CFAP100: variants seen among roughly 807,000 people sequenced by gnomAD.
CFAP100 encodes the protein cilia and flagella associated protein 100.
CFAP100 carries 70 observed loss-of-function variants against 81.5 expected under a neutral mutation model. The observed-to-expected ratio is 0.86, with a 90% CI of 0.71 to 1.05. The LOEUF is 1.05. Ranked by LOEUF, CFAP100 falls within the 50% of genes least tolerant of loss-of-function variation. The pLI is 0.00. For missense variants in CFAP100, 811 were observed against 776.5 expected (o/e 1.04, Z -0.53); for synonymous variants, 341 against 314.8 (o/e 1.08, Z -0.88).
intron 4 of CFAP100, among the ~76,000 whole-genome samples, chr3:126,415,764 G>A (rs1376003222): frequency 1.3e-5 from 2 of 152,128 alleles, no homozygotes; most frequent in African/African-American, 2.4e-5. Flanking sequence ...GGGCGGGGTC[G>A]GGGTGTGGGG....
At chr3:126,430,799 C>T (rs1933188083) in intron 13 of CFAP100, among the ~76,000 whole-genome samples, 1 of 151,710 alleles carries the variant, frequency 6.6e-6, no homozygotes, top group South Asian at 2.1e-4. Context: ...CTTTGTTGAC[C>T]TTATATTGTT....
chr3:126,434,659 G>C (rs1933375617), intron 15 of CFAP100: 1 of 415,106 alleles, frequency 2.4e-6, no homozygotes. Context: ...CTGGAGCTTA[G>C]TTAGAGTGTG....
rs55997846 is a variant in CFAP100 at position 126,420,243 on chromosome 3, G to C, written c.1082+14G>C. 9.9e-4 allele frequency: 1,571 copies of C among 1,590,088 alleles called. 12 individuals carry two copies. The African/African-American group carries it at 0.022, about 22-fold the overall frequency. On this transcript the variant is annotated intron_variant, in intron 11 of 16. Transcript: ENST00000352312. The stretch of plus-strand genomic sequence containing the variant: ...CGACTCCAGAGGGTGAGTGGGCTCG[G>C]GTGGTTGGGAGGGGCTGAGGCCTAG...
At chr3:126,432,650 A>C (rs1264042011) in intron 13 of CFAP100, 1 of 154,512 alleles carries the variant, frequency 6.5e-6, no homozygotes, top group Admixed American at 6.4e-5. Context: ...CACAAAGTAG[A>C]TTCATGGTGG....
chr3:126,408,498 G>A (rs976659708), intron 3 of CFAP100, among the ~76,000 whole-genome samples: 4 of 152,104 alleles, frequency 2.6e-5, no homozygotes, highest in Non-Finnish European at 4.4e-5. Context: ...CAGTGGTGTC[G>A]CCTCTCCTGC....
In CFAP100 at chr3:126,416,448, G is replaced by A. The variant is rs767186398; in HGVS notation, c.358G>A (p.Glu120Lys). 1.9e-6 allele frequency: 3 copies of A among 1,609,596 alleles called. No homozygotes were observed. The highest frequency in any genetic ancestry group is 2.2e-5 in the East Asian group (1 of 44,690). The change falls in exon 5 of 17, where the codon GAG becomes AAG. Residue 120 changes from glutamate (E) to lysine (K), a missense_variant. Glu to Lys is a moderately conservative substitution (Grantham distance 56). Coordinates refer to ENST00000352312, the MANE Select transcript of CFAP100 (RefSeq NM_182628.3). ...GCAGGAGGACCTGGAGGCGCGCGCCGAGGCCGAGCATCAGCGCGCCTTCCG... is the reference window on the plus strand; with the variant it reads ...GCAGGAGGACCTGGAGGCGCGCGCCAAGGCCGAGCATCAGCGCGCCTTCCG... The part of the protein sequence containing the change: ...DKQEDLEARA[E>K]AEHQRAFRDY...
In CFAP100 at chr3:126,418,777, G is replaced by C; in HGVS notation, c.650+3G>C. ...AGCTCCGTGCAGGCCATGAGAGCGT[G>C]AGCCTGCGGGCCCGAGGGGCTGGCT... On this transcript the variant is annotated splice_donor_region_variant and intron_variant, in intron 7 of 16. Transcript: ENST00000352312. The C allele has an allele frequency of 6.3e-7, 1 of 1,581,752 alleles. No individual in the cohort carries two copies. Among genetic ancestry groups the C allele is most frequent in the Non-Finnish European group, 8.6e-7 (1 of 1,167,312 alleles).
chr3:126,434,600 G>C lies in CFAP100; in HGVS notation c.1628+219G>C, dbSNP rs150676847. ...TTCCTAGAGCAAACGACAGTGACTC[G>C]ATGTGGCCAGGAGGCTCAGGGAGGG... On this transcript the variant is annotated intron_variant, in intron 15 of 16. Coordinates refer to ENST00000352312, the MANE Select transcript of CFAP100 (RefSeq NM_182628.3). 12 of 556,042 alleles carry C rather than the reference G, an allele frequency of 2.2e-5. No homozygotes were observed. In the South Asian group the frequency reaches 2.2e-4, roughly 10 times the overall value. The allele number at this position is 556,042 out of a possible 1,614,324, so 34.4% of individuals were successfully genotyped here.
In CFAP100 at chr3:126,435,655, A is replaced by G; in HGVS notation, c.1722+3A>G. 5 of 1,609,604 alleles carry G rather than the reference A, an allele frequency of 3.1e-6. No homozygotes were observed. The highest frequency in any genetic ancestry group is 4.2e-6 in the Non-Finnish European group (5 of 1,177,110). ...CCCAGGCTGAGATCAAGAAGAAGGT[A>G]GGCAGGGTCGCCTTGGGGGGTCTCT... On this transcript the variant is annotated splice_donor_region_variant and intron_variant, in intron 16 of 16. Coordinates refer to ENST00000352312, the MANE Select transcript of CFAP100 (RefSeq NM_182628.3).
At chr3:126,418,058 A>C in intron 5 of CFAP100, 1 of 195,242 alleles carries the variant, frequency 5.1e-6, no homozygotes, top group Non-Finnish European at 1.0e-5. Context: ...AGGTGCCCCA[A>C]GTAGCAATTA....
At chr3:126,426,478 G>A (rs908573815) in intron 13 of CFAP100, among the ~76,000 whole-genome samples, 8 of 151,664 alleles carry the variant, frequency 5.3e-5, no homozygotes, top group African/African-American at 1.9e-4. Context: ...AAGGCTGGGT[G>A]CAATGGCTCA....
intron 2 of CFAP100, among the ~76,000 whole-genome samples, chr3:126,398,480 G>A (rs928909705): frequency 7.9e-5 from 12 of 152,212 alleles, no homozygotes; most frequent in African/African-American, 2.7e-4. Flanking sequence ...GTGTGCATGC[G>A]CGTCAGGCCA....
intron 3 of CFAP100, among the ~76,000 whole-genome samples, chr3:126,407,491 G>C (rs1252875238): frequency 6.6e-6 from 1 of 152,216 alleles, no homozygotes; most frequent in East Asian, 1.9e-4. Context: ...TCCACTAACA[G>C]CAGTTCCATA....
chr3:126,407,028 G>A (rs1413381929), intron 2 of CFAP100, 144 bp from the exon 3 acceptor site: 6 of 554,244 alleles, frequency 1.1e-5, no homozygotes, highest in Non-Finnish European at 2.0e-5. Flanking sequence ...GTGATCTCTG[G>A]GATGTAGAGC....
At chr3:126,426,209 T>C (rs1363128503) in intron 13 of CFAP100, among the ~76,000 whole-genome samples, 2 of 152,224 alleles carry the variant, frequency 1.3e-5, no homozygotes, top group Non-Finnish European at 2.9e-5. Context: ...ATGCCTGTAA[T>C]TTCAGCACTT....
rs1430241927 is a variant in CFAP100, at chr3:126,423,562, C to T, written c.1204C>T (p.Leu402=). Residue 402 remains leucine (L), a synonymous_variant, in exon 13 of 17, where the codon CTG becomes TTG. Coordinates refer to ENST00000352312, the MANE Select transcript of CFAP100 (RefSeq NM_182628.3). ...CTTCCGAGAGCTGGAGGAGCAGAACCTGTCGCTGATCCAGAACAGCCAGGA... is the reference window on the plus strand; with the variant it reads ...CTTCCGAGAGCTGGAGGAGCAGAACTTGTCGCTGATCCAGAACAGCCAGGA... ...DVFRELEEQN[L]SLIQNSQETE... 1 of 1,614,114 alleles carries T rather than the reference C, an allele frequency of 6.2e-7. No homozygotes were observed. The highest frequency in any genetic ancestry group is 1.7e-5 in the Admixed American group (1 of 60,026).
At chr3:126,395,684 G>A (rs577138443) in intron 1 of CFAP100, among the ~76,000 whole-genome samples, 1 of 152,262 alleles carries the variant, frequency 6.6e-6, no homozygotes, top group South Asian at 2.1e-4. Flanking sequence ...GCTGGGTATG[G>A]GAGAATATTT....
intron 2 of CFAP100, among the ~76,000 whole-genome samples, chr3:126,397,718 G>A (rs570152590): frequency 3.8e-4 from 58 of 152,358 alleles, no homozygotes; most frequent in African/African-American, 1.3e-3. Flanking sequence ...AGGTGGGCAG[G>A]GGACCTGGCC....
At chr3:126,433,012 G>A (rs1306933148) in intron 13 of CFAP100, 57 bp from the exon 14 acceptor site, 13 of 1,599,296 alleles carry the variant, frequency 8.1e-6, no homozygotes, top group East Asian at 2.2e-5. Context: ...TCAGAGAAGC[G>A]ATGTGCCCAG....
Sources: gnomAD v4.1 joint callset for allele counts (sites outside exome capture counted in the v4.1 genomes callset) on GRCh38, gnomAD v4.1.1 for gene constraint, MANE v1.5 for transcripts, NCBI Gene and HGNC (gene_info 2026-07-23, HGNC 2026-07-21) for gene names.